The following CASR variants were observed in gnomAD, a reference collection of about 807,000 sequenced individuals.
The protein encoded by CASR is calcium sensing receptor.
In CASR, 23 loss-of-function variants were observed where a neutral mutation model predicts 69.1. The observed-to-expected ratio is 0.33, with a 90% CI of 0.24 to 0.47. The LOEUF (loss-of-function observed/expected upper bound fraction) is 0.47, where lower values mean the gene tolerates loss of function less well. CASR is among the 20% of genes least tolerant of loss of function. CASR has a pLI of 1.00. For missense variants in CASR, 924 were observed against 1,356.1 expected, an observed-to-expected ratio of 0.68 and a Z score of 5.00; for synonymous variants, 541 against 544.7, an observed-to-expected ratio of 0.99 and a Z score of 0.10.
intron 1 of CASR, among the ~76,000 whole-genome samples, chr3:122,204,349 G>A (rs561984562): frequency 6.6e-6 from 1 of 152,060 alleles, no homozygotes; most frequent in African/African-American, 2.4e-5. Context: ...TCTATGCTTG[G>A]CTTATTTTAC....
chr3:122,248,435 G>C (rs2074449785), intron 1 of CASR, among the ~76,000 whole-genome samples: 1 of 152,080 alleles, frequency 6.6e-6, no homozygotes, highest in Admixed American at 6.6e-5. Context: ...TCACCTTTCT[G>C]CAATAGTGGC....
At position 122,283,877 on chromosome 3, in the gene CASR, C is replaced by T. The variant is rs368093724; in HGVS notation, c.1923C>T (p.Pro641=). 4.3e-6 allele frequency: 7 copies of T among 1,613,764 alleles called. No individual in the cohort carries two copies. The highest frequency in any genetic ancestry group is 4.0e-5 in the African/African-American group (3 of 74,902). The change falls in exon 7 of 7, where the codon CCC becomes CCT. Residue 641 remains proline (P), a synonymous_variant. Coordinates refer to ENST00000639785, the MANE Select transcript of CASR (RefSeq NM_000388.4). ...TGTTTATCAAGTTCCGCAACACACC[C>T]ATTGTCAAGGCCACCAACCGAGAGC... The part of the protein sequence containing the change: ...LGVFIKFRNT[P]IVKATNRELS...
intron 1 of CASR, among the ~76,000 whole-genome samples, chr3:122,204,078 C>G (rs932265060): frequency 6.6e-6 from 1 of 152,016 alleles, no homozygotes; most frequent in Non-Finnish European, 1.5e-5. Context: ...ACCTTAAATA[C>G]TTGTCATTTT....
At chr3:122,191,370 G>A (rs770069491) in intron 1 of CASR, among the ~76,000 whole-genome samples, 3 of 152,038 alleles carry the variant, frequency 2.0e-5, no homozygotes, top group East Asian at 1.9e-4. Context: ...GGAGTGCAAC[G>A]GTGCGATCTT....
intron 2 of CASR, among the ~76,000 whole-genome samples, chr3:122,255,233 A>T (rs751417665): frequency 6.6e-6 from 1 of 152,096 alleles, no homozygotes; most frequent in African/African-American, 2.4e-5. Flanking sequence ...TCTGCAGAAT[A>T]TGGTTGGGAC....
At chr3:122,227,516 C>T (rs763117135) in intron 1 of CASR, among the ~76,000 whole-genome samples, 3 of 152,206 alleles carry the variant, frequency 2.0e-5, no homozygotes, top group Non-Finnish European at 2.9e-5. Flanking sequence ...TGTGCTGGCC[C>T]GCAAGCACCG....
chr3:122,262,989 G>A (rs6805773), intron 4 of CASR, among the ~76,000 whole-genome samples: 41,732 of 152,124 alleles, frequency 0.27, 6,471 homozygotes, highest in Non-Finnish European at 0.35. Context: ...CACTGAAGTG[G>A]TTATCATAGA....
rs2074501392 is a variant in CASR at position 122,252,413 on chromosome 3, G to GAAAGAAAGAAAAAGAA, written c.-242-1524_-242-1523insAAGAAAAAGAAAGAAA. Among the ~76,000 whole-genome samples the GAAAGAAAGAAAAAGAA allele has an allele frequency of 1.4e-4, 3 of 20,712 alleles. No individual in the cohort carries two copies. The East Asian group carries it at 2.5e-3, about 17-fold the overall frequency. 13.6% of individuals were successfully genotyped at this position (20,712 alleles called of 152,430 possible). ...AAGGAAGGAAGGAAGGAAGGAAAAA[G>GAAAGAAAGAAAAAGAA]AAAGAAAGAAAGAAAGAAAGAAAGA... On this transcript the variant is annotated intron_variant, in intron 1 of 6. Transcript: ENST00000639785.
At chr3:122,196,117 A>T (rs1193037911) in intron 1 of CASR, among the ~76,000 whole-genome samples, 1 of 152,206 alleles carries the variant, frequency 6.6e-6, no homozygotes, top group African/African-American at 2.4e-5. Context: ...ATGATACATA[A>T]TCAATGAAAT....
At chr3:122,255,837 A>T (rs2074549078) in intron 2 of CASR, among the ~76,000 whole-genome samples, 1 of 152,218 alleles carries the variant, frequency 6.6e-6, no homozygotes. Context: ...AATACAATGG[A>T]GTATAAAAGA....
chr3:122,236,816 AT>A (rs1342683758), intron 1 of CASR, among the ~76,000 whole-genome samples: 1 of 152,236 alleles, frequency 6.6e-6, no homozygotes, highest in African/African-American at 2.4e-5. Flanking sequence ...TAACAAATAT[AT>A]CTAGAAAAAT....
intron 2 of CASR, 83 bp downstream of exon 2, chr3:122,254,457 CA>C: frequency 7.3e-7 from 1 of 1,367,518 alleles, no homozygotes. Context: ...ATAATTTTTT[CA>C]AACTTTGTCC....
chr3:122,194,793 C>G (rs760913975), intron 1 of CASR, among the ~76,000 whole-genome samples: 1 of 152,144 alleles, frequency 6.6e-6, no homozygotes, highest in Non-Finnish European at 1.5e-5. Flanking sequence ...CCAACATCCA[C>G]GTTATCACCC....
chr3:122,268,018 A>G (rs1046497749), intron 4 of CASR, among the ~76,000 whole-genome samples: 1 of 152,200 alleles, frequency 6.6e-6, no homozygotes, highest in East Asian at 1.9e-4. Flanking sequence ...TCACTCCTGC[A>G]TGTGAGTAGG....
intron 1 of CASR, among the ~76,000 whole-genome samples, chr3:122,220,585 G>A (rs1445825973): frequency 6.6e-6 from 1 of 152,200 alleles, no homozygotes; most frequent in African/African-American, 2.4e-5. Flanking sequence ...AGAAGACAGA[G>A]TTAAGAAAAG....
At chr3:122,237,473 T>C (rs1318062634) in intron 1 of CASR, among the ~76,000 whole-genome samples, 1 of 152,088 alleles carries the variant, frequency 6.6e-6, no homozygotes, top group Non-Finnish European at 1.5e-5. Flanking sequence ...ATTGAAAGAA[T>C]TGCCATACTA....
In CASR at chr3:122,259,442, G is replaced by A. The variant is rs376245145; in HGVS notation, c.492+2055G>A. On this transcript the variant is annotated intron_variant, in intron 3 of 6. Transcript: ENST00000639785. Reference sequence around the variant, plus strand: ...TGCCTCATAAGTTCTGTGGTATTTCGAGAATACCTTATTCTGATAAGGGAA... The same window carrying A: ...TGCCTCATAAGTTCTGTGGTATTTCAAGAATACCTTATTCTGATAAGGGAA... 4.6e-5 allele frequency among the ~76,000 whole-genome samples: 7 copies of A among 151,962 alleles called. No individual in the cohort carries two copies. In the South Asian group the frequency reaches 8.3e-4, roughly 18 times the overall value.
At chr3:122,280,134 G>A (rs1286384109) in intron 5 of CASR, among the ~76,000 whole-genome samples, 1 of 152,168 alleles carries the variant, frequency 6.6e-6, no homozygotes, top group Non-Finnish European at 1.5e-5. Flanking sequence ...AATAGACACA[G>A]AAAAGGCCTT....
rs1189990883 is a variant in CASR at position 122,257,339 on chromosome 3, C to T, written c.444C>T (p.Gly148=). 15 of 1,614,024 alleles carry T rather than the reference C, an allele frequency of 9.3e-6. No homozygotes were observed. The highest frequency in any genetic ancestry group is 1.6e-4 in the Middle Eastern group (1 of 6,082). Residue 148 remains glycine (G), a synonymous_variant, in exon 3 of 7, where the codon GGC becomes GGT. Transcript: ENST00000639785. ...CTGTGGTGGGAGCAACTGGCTCAGG[C>T]GTCTCCACGGCAGTGGCAAATCTGC... ...TIAVVGATGS[G]VSTAVANLLG...
Sources: gnomAD v4.1 joint callset for allele counts (sites outside exome capture counted in the v4.1 genomes callset) on GRCh38, gnomAD v4.1.1 for gene constraint, MANE v1.5 for transcripts, NCBI Gene and HGNC (gene_info 2026-07-23, HGNC 2026-07-21) for gene names.